WWOX: variants seen among roughly 807,000 people sequenced by gnomAD.
The protein encoded by WWOX is WW domain-containing oxidoreductase.
In WWOX, 69 loss-of-function variants were observed where a neutral mutation model predicts 46.2. The observed-to-expected ratio is 1.49, with a 90% confidence interval of 1.23 to 1.82. WWOX has a LOEUF of 1.82. Among genes scored for constraint, WWOX ranks in the 40% most tolerant of loss-of-function variants. WWOX has a pLI of 0.00. For missense variants in WWOX, 919 were observed against 542.6 expected, an observed-to-expected ratio of 1.69 and a Z score of -6.89; for synonymous variants, 359 against 202.6, an observed-to-expected ratio of 1.77 and a Z score of -6.56.
intron 8 of WWOX, among the ~76,000 whole-genome samples, chr16:79,174,790 A>T (rs1156949108): frequency 6.6e-6 from 1 of 152,238 alleles, no homozygotes; most frequent in African/African-American, 2.4e-5. Context: ...ATAAGTATAT[A>T]TTTGATAACT....
At chr16:78,164,314 T>A in intron 5 of WWOX, 25 bp downstream of exon 5, 1 of 1,603,818 alleles carries the variant, frequency 6.2e-7, no homozygotes, top group Non-Finnish European at 8.5e-7. Context: ...GTTGTTGTTT[T>A]TTTTAATTGT....
chr16:79,084,037 C>T (rs1057228352), intron 8 of WWOX, among the ~76,000 whole-genome samples: 1 of 152,118 alleles, frequency 6.6e-6, no homozygotes, highest in African/African-American at 2.4e-5. Flanking sequence ...TTTTAAGTCT[C>T]CACAGGCAGA....
chr16:78,166,795 G>C (rs1321164741), intron 5 of WWOX: 1 of 150,744 alleles, frequency 6.6e-6, no homozygotes, highest in African/African-American at 2.4e-5. Flanking sequence ...CTGATCTCAT[G>C]ATCTACACAC....
intron 4 of WWOX, among the ~76,000 whole-genome samples, chr16:78,120,425 C>G (rs1472717145): frequency 6.6e-6 from 1 of 152,046 alleles, no homozygotes; most frequent in African/African-American, 2.4e-5. Context: ...AAAAAATTAG[C>G]CAGGCGCAGT....
chr16:78,651,104 C>A (rs1035699074), intron 8 of WWOX, among the ~76,000 whole-genome samples: 1 of 152,188 alleles, frequency 6.6e-6, no homozygotes, highest in African/African-American at 2.4e-5. Flanking sequence ...GACCCCTGAC[C>A]CAAGGCCCAG....
chr16:78,142,353 T>A (rs1470374166), intron 4 of WWOX, among the ~76,000 whole-genome samples: 3 of 152,310 alleles, frequency 2.0e-5, no homozygotes, highest in East Asian at 3.9e-4. Flanking sequence ...TGTAGCAGTG[T>A]GTTATAGCCA....
chr16:78,627,045 C>A (rs1460260961), intron 8 of WWOX, among the ~76,000 whole-genome samples: 2 of 152,076 alleles, frequency 1.3e-5, no homozygotes, highest in African/African-American at 4.8e-5. Context: ...CTCTTCCCCC[C>A]ACCTCATACA....
intron 5 of WWOX, among the ~76,000 whole-genome samples, chr16:78,310,196 T>G (rs1435971912): frequency 6.6e-6 from 1 of 152,182 alleles, no homozygotes; most frequent in Admixed American, 6.5e-5. Flanking sequence ...AGAACATTTA[T>G]TGTGTTTCCT....
intron 6 of WWOX, among the ~76,000 whole-genome samples, chr16:78,406,484 C>T (rs966454560): frequency 4.0e-5 from 6 of 150,396 alleles, no homozygotes; most frequent in African/African-American, 1.5e-4. Flanking sequence ...TCCTGAGTAG[C>T]TGGGACTACA....
At chr16:78,875,479 C>T (rs2044217005) in intron 8 of WWOX, among the ~76,000 whole-genome samples, 1 of 152,200 alleles carries the variant, frequency 6.6e-6, no homozygotes, top group Non-Finnish European at 1.5e-5. Context: ...GTTTGACAGT[C>T]CACTTCATTA....
intron 3 of WWOX, among the ~76,000 whole-genome samples, chr16:78,113,744 G>C (rs1597215979): frequency 6.6e-6 from 1 of 152,178 alleles, no homozygotes; most frequent in Non-Finnish European, 1.5e-5. Flanking sequence ...TTTGGCTCTT[G>C]TAAGCCAGTT....
At chr16:78,321,696 G>T (rs1002411533) in intron 5 of WWOX, among the ~76,000 whole-genome samples, 1 of 152,158 alleles carries the variant, frequency 6.6e-6, no homozygotes, top group Non-Finnish European at 1.5e-5. Context: ...TGGAAGCCGC[G>T]TGGTAGTTAA....
intron 8 of WWOX, among the ~76,000 whole-genome samples, chr16:78,658,640 G>A (rs1273782184): frequency 6.6e-6 from 1 of 152,126 alleles, no homozygotes; most frequent in Non-Finnish European, 1.5e-5. Flanking sequence ...CAGAACCCCA[G>A]TCTCCGCCTC....
intron 8 of WWOX, among the ~76,000 whole-genome samples, chr16:78,874,586 C>T (rs1037618724): frequency 4.0e-5 from 6 of 151,292 alleles, no homozygotes; most frequent in Non-Finnish European, 2.9e-5. Flanking sequence ...GTCTCCACTA[C>T]AGATTCTGAT....
chr16:78,143,055 T>A (rs2151709345), intron 4 of WWOX, among the ~76,000 whole-genome samples: 1 of 152,328 alleles, frequency 6.6e-6, no homozygotes, highest in African/African-American at 2.4e-5. Flanking sequence ...GGATGTAGTT[T>A]ATAGTTAAAC....
At chr16:78,731,983 A>G (rs987139088) in intron 8 of WWOX, among the ~76,000 whole-genome samples, 3 of 151,738 alleles carry the variant, frequency 2.0e-5, no homozygotes, top group Admixed American at 6.6e-5. Context: ...AGTAGTTGGG[A>G]CAACAGGTAT....
rs530378597 is a variant in WWOX, at chr16:78,168,792, T to C, written c.516+4503T>C. On this transcript the variant is annotated intron_variant, in intron 5 of 8. Coordinates refer to ENST00000566780, the MANE Select transcript of WWOX (RefSeq NM_016373.4). ...ATTACTTTTGGGAAGAAGGAGCTAT[T>C]TAATAAAATACAACTTAAGTGAAAA... Among the ~76,000 whole-genome samples, 11 of 152,314 alleles carry C rather than the reference T, an allele frequency of 7.2e-5. 1 individual carries two copies. The highest frequency in any genetic ancestry group is 7.2e-4 in the Admixed American group (11 of 15,304).
intron 5 of WWOX, among the ~76,000 whole-genome samples, chr16:78,295,433 C>T (rs1179124955): frequency 6.6e-6 from 1 of 152,144 alleles, no homozygotes; most frequent in African/African-American, 2.4e-5. Context: ...TCTCCAAGGC[C>T]AGGTGTGGTG....
intron 8 of WWOX, among the ~76,000 whole-genome samples, chr16:79,207,364 G>C (rs559621773): frequency 2.6e-5 from 4 of 152,338 alleles, no homozygotes; most frequent in Admixed American, 2.6e-4. Context: ...GCTCACTTCA[G>C]ATCACCACTT....
Sources: allele counts gnomAD v4.1 joint callset (sites outside exome capture counted in the v4.1 genomes callset), GRCh38; gene constraint gnomAD v4.1.1; transcripts MANE v1.5; gene names NCBI Gene and HGNC (gene_info 2026-07-23, HGNC 2026-07-21).